Variants in DDAH1 observed in about 807,000 individuals in gnomAD.
The protein encoded by DDAH1 is N(G),N(G)-dimethylarginine dimethylaminohydrolase 1.
A neutral mutation model predicts 28.8 loss-of-function variants in DDAH1; 19 were observed. The observed-to-expected ratio is 0.66, with a 90% CI of 0.46 to 0.97. The LOEUF (loss-of-function observed/expected upper bound fraction) is 0.97, where lower values mean the gene tolerates loss of function less well. DDAH1 is among the 50% of genes least tolerant of loss of function. The probability of loss-of-function intolerance (pLI) is 0.00; values close to 1 mark genes in which losing one functional copy is unlikely to be tolerated. For missense variants in DDAH1, 326 were observed against 375.9 expected, an observed-to-expected ratio of 0.87 and a Z score of 1.10; for synonymous variants, 153 against 154.4, an observed-to-expected ratio of 0.99 and a Z score of 0.07.
At chr1:85,471,264 G>T (rs1476974951) in intron 2 of DDAH1, among the ~76,000 whole-genome samples, 2 of 152,186 alleles carry the variant, frequency 1.3e-5, no homozygotes, top group Non-Finnish European at 2.9e-5. Flanking sequence ...TTCTGATAAT[G>T]CTGTTGCCTT....
intron 2 of DDAH1, chr1:85,493,996 A>G (rs1267680707): frequency 6.6e-6 from 1 of 152,240 alleles, no homozygotes; most frequent in Non-Finnish European, 1.5e-5. Flanking sequence ...CTGATGTTCA[A>G]AAGTATGTTT....
At chr1:85,491,774 A>G (rs916466288) in intron 2 of DDAH1, among the ~76,000 whole-genome samples, 3 of 152,198 alleles carry the variant, frequency 2.0e-5, no homozygotes, top group African/African-American at 4.8e-5. Flanking sequence ...GTTTGATGTC[A>G]GTGTTTTTTC....
intron 1 of DDAH1, among the ~76,000 whole-genome samples, chr1:85,426,590 A>G (rs1299817056): frequency 6.6e-6 from 1 of 152,212 alleles, no homozygotes; most frequent in Admixed American, 6.5e-5. Context: ...TTGCCTATCA[A>G]TAAATTACCT....
chr1:85,536,239 A>C (rs1446207307), intron 1 of DDAH1, among the ~76,000 whole-genome samples: 1 of 152,010 alleles, frequency 6.6e-6, no homozygotes, highest in Non-Finnish European at 1.5e-5. Flanking sequence ...TCTGTCTCAA[A>C]TAAAAATAAA....
At chr1:85,427,865 G>A (rs1653485758) in intron 1 of DDAH1, among the ~76,000 whole-genome samples, 1 of 152,138 alleles carries the variant, frequency 6.6e-6, no homozygotes, top group South Asian at 2.1e-4. Flanking sequence ...AATATCACAG[G>A]TGAGGGAGGG....
chr1:85,544,896 C>T (rs986817188), intron 1 of DDAH1, among the ~76,000 whole-genome samples: 45 of 152,254 alleles, frequency 3.0e-4, no homozygotes, highest in Admixed American at 1.8e-3. Flanking sequence ...CTGTCACACC[C>T]GCACAGATGC....
At chr1:85,351,910 G>GA (rs1262305085) in intron 2 of DDAH1, among the ~76,000 whole-genome samples, 1 of 152,122 alleles carries the variant, frequency 6.6e-6, no homozygotes, top group East Asian at 1.9e-4. Context: ...CTAACACTGT[G>GA]AATGTTCATG....
At chr1:85,322,598 C>T (rs1162428254) in intron 5 of DDAH1, among the ~76,000 whole-genome samples, 4 of 151,934 alleles carry the variant, frequency 2.6e-5, no homozygotes, top group African/African-American at 9.7e-5. Flanking sequence ...TGTCAACCTA[C>T]TACTTAAAGA....
intron 1 of DDAH1, among the ~76,000 whole-genome samples, chr1:85,389,200 C>T (rs1241256265): frequency 1.3e-5 from 2 of 152,024 alleles, no homozygotes; most frequent in African/African-American, 4.8e-5. Context: ...ATTAAATGCA[C>T]TCCAGCCTGG....
chr1:85,534,578 T>C (rs1658210170), intron 1 of DDAH1, among the ~76,000 whole-genome samples: 1 of 152,136 alleles, frequency 6.6e-6, no homozygotes, highest in Admixed American at 6.5e-5. Context: ...ATCATTATTC[T>C]ATGTTCCTTC....
intron 4 of DDAH1, among the ~76,000 whole-genome samples, chr1:85,345,028 TA>T (rs1453573043): frequency 3.3e-5 from 5 of 152,184 alleles, no homozygotes; most frequent in Non-Finnish European, 5.9e-5. Context: ...TCCTAAACTT[TA>T]AAAAATTAAA....
At chr1:85,539,027 T>TA (rs1658384727) in intron 1 of DDAH1, among the ~76,000 whole-genome samples, 2 of 152,188 alleles carry the variant, frequency 1.3e-5, no homozygotes, top group South Asian at 4.1e-4. Context: ...TCCCTTCCTT[T>TA]AAAAATCTTA....
chr1:85,414,701 T>C (rs1652808879), intron 1 of DDAH1, among the ~76,000 whole-genome samples: 1 of 152,210 alleles, frequency 6.6e-6, no homozygotes, highest in African/African-American at 2.4e-5. Context: ...GTCTGAGTTA[T>C]GGCCCTGTAC....
chr1:85,514,053 C>A (rs546713892), intron 1 of DDAH1, among the ~76,000 whole-genome samples: 1 of 152,138 alleles, frequency 6.6e-6, no homozygotes, highest in Admixed American at 6.5e-5. Flanking sequence ...CACATGCACA[C>A]GTATGTTTAT....
intron 2 of DDAH1, among the ~76,000 whole-genome samples, chr1:85,353,369 A>G (rs1200864489): frequency 6.6e-6 from 1 of 152,192 alleles, no homozygotes; most frequent in East Asian, 1.9e-4. Flanking sequence ...GTAGCCATGC[A>G]GAAGTGCTTG....
intron 1 of DDAH1, among the ~76,000 whole-genome samples, chr1:85,508,520 G>C (rs1387046937): frequency 1.3e-5 from 2 of 152,234 alleles, no homozygotes; most frequent in Admixed American, 1.3e-4. Flanking sequence ...GCGGGGTGTT[G>C]CCTCACCTGA....
intron 1 of DDAH1, among the ~76,000 whole-genome samples, chr1:85,501,771 A>G (rs1656830388): frequency 6.6e-6 from 1 of 152,154 alleles, no homozygotes; most frequent in African/African-American, 2.4e-5. Flanking sequence ...CAGTTGCTCC[A>G]TATATTTTGT....
intron 2 of DDAH1, chr1:85,493,919 A>G (rs1656491183): frequency 1.3e-5 from 2 of 152,380 alleles, no homozygotes; most frequent in South Asian, 2.1e-4. Flanking sequence ...CTAGTAATTC[A>G]AAGTCTAGTG....
intron 1 of DDAH1, among the ~76,000 whole-genome samples, chr1:85,548,264 C>T (rs561765233): frequency 6.6e-6 from 1 of 152,090 alleles, no homozygotes; most frequent in Non-Finnish European, 1.5e-5. Context: ...TTTTGTTTAA[C>T]TCTCATTAGC....
Sources: allele counts gnomAD v4.1 joint callset (sites outside exome capture counted in the v4.1 genomes callset), GRCh38; gene constraint gnomAD v4.1.1; transcripts MANE v1.5; gene names NCBI Gene and HGNC (gene_info 2026-07-23, HGNC 2026-07-21).